The following GSDMB variants were observed in gnomAD, a reference collection of about 807,000 sequenced individuals.
GSDMB encodes gasdermin B.
GSDMB carries 32 observed loss-of-function variants against 42.9 expected under a neutral mutation model. That is an observed-to-expected ratio of 0.75 (90% CI 0.56 to 1.00). The LOEUF is 1.00. GSDMB is among the 50% of genes least tolerant of loss of function. The probability of loss-of-function intolerance (pLI) is 0.00; values close to 1 mark genes in which losing one functional copy is unlikely to be tolerated. For missense variants in GSDMB, 468 were observed against 498.5 expected (o/e 0.94, Z 0.58); for synonymous variants, 175 against 193.7 (o/e 0.90, Z 0.80).
At chr17:39,917,461 G>C (rs2063733813) in intron 1 of GSDMB, 131 bp from the exon 2 acceptor site, 1 of 633,026 alleles carries the variant, frequency 1.6e-6, no homozygotes, top group Non-Finnish European at 2.8e-6. Flanking sequence ...CCTGTGACCT[G>C]CATGTATACA....
chr17:39,917,261 C>A lies in GSDMB; in HGVS notation c.56G>T (p.Gly19Val), dbSNP rs771112149. 1 of 1,614,010 alleles carries A rather than the reference C, an allele frequency of 6.2e-7. No individual in the cohort carries two copies. The highest frequency in any genetic ancestry group is 1.7e-5 in the Admixed American group (1 of 60,018). Residue 19 changes from glycine to valine, a missense_variant, in exon 2 of 11, where the codon GGA becomes GTA. Physicochemically the swap from Gly to Val is moderately radical, Grantham distance 109 (BLOSUM62 -3). Coordinates refer to ENST00000418519, the MANE Select transcript of GSDMB (RefSeq NM_001165958.2). ...TRIVVKEMDA[G>V]GDMIAVRSLV... ...GCTTCTAACGGCAATCATATCCCCT[C>A]CAGCATCCATCTCCTTAACTACAAT... is the stretch of plus-strand genomic sequence containing the variant.
intron 8 of GSDMB, 60 bp from the exon 9 acceptor site, chr17:39,906,045 G>C (rs187215261): frequency 1.3e-6 from 2 of 1,515,696 alleles, no homozygotes; most frequent in Admixed American, 1.7e-5. Flanking sequence ...TATCCTCACT[G>C]TGCCAACTGC....
intron 2 of GSDMB, among the ~76,000 whole-genome samples, chr17:39,913,778 G>A (rs1013152997): frequency 6.6e-6 from 1 of 152,216 alleles, no homozygotes; most frequent in Non-Finnish European, 1.5e-5. Flanking sequence ...CGTGGAGGAT[G>A]TGTGGGCATG....
intron 1 of GSDMB, chr17:39,917,649 A>G (rs767626877): frequency 2.5e-5 from 8 of 315,096 alleles, no homozygotes; most frequent in Non-Finnish European, 4.9e-5. Context: ...GTACTTTGTA[A>G]TATTTCTCCA....
intron 7 of GSDMB, chr17:39,906,691 A>G: frequency 8.5e-7 from 1 of 1,177,840 alleles, no homozygotes; most frequent in Non-Finnish European, 1.1e-6. Context: ...TCCAGGCCAC[A>G]CCCCCACAAT....
At position 39,917,111 on chromosome 17, in the gene GSDMB, C is replaced by G; in HGVS notation, c.206G>C (p.Trp69Ser). 1 of 1,613,974 alleles carries G rather than the reference C, an allele frequency of 6.2e-7. No individual in the cohort carries two copies. The highest frequency in any genetic ancestry group is 1.6e-4 in the Middle Eastern group (1 of 6,062). The change falls in exon 2 of 11, where the codon TGG becomes TCG. Residue 69 changes from tryptophan to serine, a missense_variant. Physicochemically the swap from Trp to Ser is radical, Grantham distance 177 (BLOSUM62 -3). Transcript: ENST00000418519. ...GAGCCCAGAATCCAGTTCATCTAACCACTTGTCCCCATCTGTGTCCAGAAT... is the reference window on the plus strand; with the variant it reads ...GAGCCCAGAATCCAGTTCATCTAACGACTTGTCCCCATCTGTGTCCAGAAT... ...MDILDTDGDK[W>S]LDELDSGLQG...
Position 39,906,215 on chromosome 17 carries a change from C to A in GSDMB, c.784G>T (p.Glu262Ter). ...RNMKEKLEDM[E>*]SVLKDLTEEK... ...TCTGTCAGGTCCTTGAGGACACTCTCCATGTCCTCCAACTTCTCCTTCATG... is the reference window on the plus strand; with the variant it reads ...TCTGTCAGGTCCTTGAGGACACTCTACATGTCCTCCAACTTCTCCTTCATG... The change falls in exon 8 of 11, where the codon GAG becomes TAG. Residue 262 changes from glutamate to a stop codon, truncating the protein, a stop_gained. Transcript: ENST00000418519. LOFTEE classifies it high-confidence loss of function. 6.2e-7 allele frequency: 1 copy of A among 1,612,878 alleles called. No individual in the cohort carries two copies. The highest frequency in any genetic ancestry group is 8.5e-7 in the Non-Finnish European group (1 of 1,178,840).
At chr17:39,909,399 T>C (rs771080667) in intron 4 of GSDMB, 9 of 369,542 alleles carry the variant, frequency 2.4e-5, no homozygotes, top group East Asian at 5.8e-5. Flanking sequence ...CCATGGGAAA[T>C]GTACAAAGAA....
intron 3 of GSDMB, among the ~76,000 whole-genome samples, chr17:39,910,260 G>A (rs2063584296): frequency 6.6e-6 from 1 of 152,114 alleles, no homozygotes; most frequent in Admixed American, 6.5e-5. Context: ...GGAGGCGGAG[G>A]TTGCAGTGAG....
At position 39,908,183 on chromosome 17, in the gene GSDMB, A is replaced by T. The variant is rs1232021838; in HGVS notation, c.693T>A (p.Phe231Leu). ...NIHFRGKTKS[F>L]PEEKDGASSC... The stretch of plus-strand genomic sequence containing the variant: ...GCCCAGCAGCTCACTCACCTTCTGG[A>T]AAGGATTTTGTTTTGCCCCTGAAAT... The change falls in exon 6 of 11, where the codon TTT (phenylalanine) becomes TTA (leucine). Residue 231 changes from phenylalanine to leucine, a missense_variant. Physicochemically the swap from Phe to Leu is conservative, Grantham distance 22 (BLOSUM62 0). Coordinates refer to ENST00000418519, the MANE Select transcript of GSDMB (RefSeq NM_001165958.2). 4.0e-6 allele frequency: 6 copies of T among 1,516,076 alleles called. No individual in the cohort carries two copies. Among genetic ancestry groups the T allele is most frequent in the Non-Finnish European group, 4.5e-6 (5 of 1,114,038 alleles). The allele number at this position is 1,516,076 out of a possible 1,614,324, so 93.9% of individuals were successfully genotyped here. A position where few individuals can be genotyped will look rare whatever the true frequency, so the allele number is the denominator to read the frequency against.
rs560679956 is a variant in GSDMB, at chr17:39,917,195, C to T, written c.122G>A (p.Gly41Glu). The change falls in exon 2 of 11, where the codon GGG (glycine) becomes GAG (glutamate). Residue 41 changes from glycine (G) to glutamate (E), a missense_variant. Transcript: ENST00000418519. ...ADRFRCFHLVGEKRTFFGCRH... is the reference protein window; with the variant it reads ...ADRFRCFHLVEEKRTFFGCRH... ...GCATCCAAAGAAAGTTCTCTTCTCC[C>T]CCACCAGATGGAAGCAGCGGAATCT... 2 of 1,614,046 alleles carry T rather than the reference C, an allele frequency of 1.2e-6. No individual in the cohort carries two copies. The highest frequency in any genetic ancestry group is 1.1e-5 in the South Asian group (1 of 91,080).
intron 2 of GSDMB, among the ~76,000 whole-genome samples, chr17:39,916,108 C>A (rs1345404781): frequency 6.6e-6 from 1 of 152,034 alleles, no homozygotes; most frequent in Non-Finnish European, 1.5e-5. Context: ...TCCATAAATT[C>A]CCTCAATACC....
At chr17:39,912,642 G>A (rs559499591) in intron 2 of GSDMB, 145 bp from the exon 3 acceptor site, 5 of 667,806 alleles carry the variant, frequency 7.5e-6, no homozygotes, top group Non-Finnish European at 1.3e-5. Context: ...TGGCTGTCCA[G>A]GAAATGCTGT....
rs994005926 is a variant in GSDMB at position 39,908,230 on chromosome 17, A to C, written c.662-16T>G. 6.8e-7 allele frequency: 1 copy of C among 1,473,762 alleles called. No homozygotes were observed. The highest frequency in any genetic ancestry group is 1.4e-5 in the African/African-American group (1 of 71,990). 91.3% of individuals were successfully genotyped at this position (1,473,762 alleles called of 1,614,324 possible). A position where few individuals can be genotyped will look rare whatever the true frequency, so the allele number is the denominator to read the frequency against. ...AAATGAATATCTAAACCAGCACCAAAAAGGGAGGAAAAAACAAGTTATTGG... is the reference window on the plus strand; with the variant it reads ...AAATGAATATCTAAACCAGCACCAACAAGGGAGGAAAAAACAAGTTATTGG... On this transcript the variant is annotated splice_polypyrimidine_tract_variant and intron_variant, in intron 5 of 10. Transcript: ENST00000418519.
Position 39,907,074 on chromosome 17 carries a change from C to T in GSDMB, c.701-87G>A. On this transcript the variant is annotated intron_variant, in intron 6 of 10. Coordinates refer to ENST00000418519, the MANE Select transcript of GSDMB (RefSeq NM_001165958.2). Reference sequence around the variant, plus strand: ...CTCTTCCCAGTGATGGAAGTTTTTACTCTTGCAATCTGAGCCCTCACTGCT... The same window carrying T: ...CTCTTCCCAGTGATGGAAGTTTTTATTCTTGCAATCTGAGCCCTCACTGCT... 3 of 1,596,260 alleles carry T rather than the reference C, an allele frequency of 1.9e-6. No homozygotes were observed. The South Asian group carries it at 3.4e-5, about 18-fold the overall frequency.
At chr17:39,906,421 T>C (rs1329656380) in intron 7 of GSDMB, 150 bp from the exon 8 acceptor site, 14 of 928,442 alleles carry the variant, frequency 1.5e-5, no homozygotes, top group Non-Finnish European at 2.2e-5. Flanking sequence ...GCATCCTTCT[T>C]CCAAGATACC....
At chr17:39,909,979 T>G in intron 3 of GSDMB, 55 bp from the exon 4 acceptor site, 1 of 1,370,652 alleles carries the variant, frequency 7.3e-7, no homozygotes, top group Non-Finnish European at 1.0e-6. Flanking sequence ...TACCTCCCAC[T>G]GACTCTTTTC....
At chr17:39,911,384 G>A (rs1423371033) in intron 3 of GSDMB, among the ~76,000 whole-genome samples, 3 of 151,466 alleles carry the variant, frequency 2.0e-5, no homozygotes, top group Non-Finnish European at 4.4e-5. Context: ...GGAGAGCAAG[G>A]CCAGGAAAAC....
Position 39,905,435 on chromosome 17 carries a change from C to T in GSDMB, c.1089G>A (p.Leu363=). 1 of 1,604,594 alleles carries T rather than the reference C, an allele frequency of 6.2e-7. No individual in the cohort carries two copies. The highest frequency in any genetic ancestry group is 1.1e-5 in the South Asian group (1 of 89,342). Residue 363 remains leucine, a synonymous_variant, in exon 10 of 11, where the codon TTG becomes TTA. Coordinates refer to ENST00000418519, the MANE Select transcript of GSDMB (RefSeq NM_001165958.2). ...GCCCAGGCTGTCTCACCTGGTCCTT[C>T]AACAGAGGAAGGGTCCCCTTCTCCA... ...EALEKGTLPL[L]KDQVKSVMEQ...
Sources: gnomAD v4.1 joint callset for allele counts (sites outside exome capture counted in the v4.1 genomes callset) on GRCh38, gnomAD v4.1.1 for gene constraint, MANE v1.5 for transcripts, NCBI Gene and HGNC (gene_info 2026-07-23, HGNC 2026-07-21) for gene names.